Variants in OR14I1 observed in about 807,000 individuals in gnomAD.
OR14I1 encodes olfactory receptor family 14 subfamily I member 1.
For synonymous variants in OR14I1, 118 were observed against 71.1 expected (o/e 1.66, Z -3.32); for missense variants, 279 against 181.8 (o/e 1.53, Z -3.07).
chr1:248,695,909 C>G, the OR14I1 span, among the ~76,000 whole-genome samples: 1 of 152,236 alleles, frequency 6.6e-6, no homozygotes, highest in Non-Finnish European at 1.5e-5. Flanking sequence ...GCAAGAGTTT[C>G]ATGCCAGAGA....
downstream of OR14I1, among the ~76,000 whole-genome samples, chr1:248,679,358 T>A (rs60023377): frequency 0.15 from 22,062 of 151,684 alleles, 1,721 homozygotes; most frequent in African/African-American, 0.19. Context: ...GCTTCCGTGA[T>A]GGTGATGTTC....
chr1:248,695,049 G>T, the OR14I1 span, among the ~76,000 whole-genome samples: 1 of 152,108 alleles, frequency 6.6e-6, no homozygotes, highest in African/African-American at 2.4e-5. Context: ...CTTCAGAGCA[G>T]AGTAGGGTAT....
upstream of OR14I1, among the ~76,000 whole-genome samples, chr1:248,687,279 C>T (rs1036656552): frequency 6.6e-6 from 1 of 152,202 alleles, no homozygotes; most frequent in Non-Finnish European, 1.5e-5. Flanking sequence ...AATTGTTTTA[C>T]TTCATCACTA....
At chr1:248,682,123 A>G in exon 1 of OR14I1, 1 of 781,106 alleles carries the variant, frequency 1.3e-6, no homozygotes, top group Non-Finnish European at 2.4e-6. Context: ...GAGGTTCTTC[A>G]GGAAGAAGTA....
downstream of OR14I1, among the ~76,000 whole-genome samples, chr1:248,680,537 C>G (rs1184954236): frequency 6.6e-6 from 1 of 152,204 alleles, no homozygotes; most frequent in Non-Finnish European, 1.5e-5. Context: ...CTGAGAATGG[C>G]AGACAGCCCA....
the OR14I1 span, among the ~76,000 whole-genome samples, chr1:248,688,793 G>A: frequency 6.6e-6 from 1 of 152,348 alleles, no homozygotes; most frequent in African/African-American, 2.4e-5. Flanking sequence ...TCCCATGGGA[G>A]AAGCAGGATT....
the OR14I1 span, among the ~76,000 whole-genome samples, chr1:248,695,378 C>T: frequency 7.1e-4 from 108 of 151,762 alleles, 2 homozygotes; most frequent in South Asian, 0.02. Flanking sequence ...GGACTACAGG[C>T]GCCCGCCACC....
At chr1:248,681,775 C>T (rs750087696) in exon 1 of OR14I1, 13 of 780,912 alleles carry the variant, frequency 1.7e-5, no homozygotes, top group African/African-American at 5.1e-5. Flanking sequence ...AGGGATGTCA[C>T]GGAAGAACTG....
the OR14I1 span, among the ~76,000 whole-genome samples, chr1:248,695,121 G>A: frequency 6.6e-6 from 1 of 152,072 alleles, no homozygotes; most frequent in African/African-American, 2.4e-5. Context: ...TTATGAATTG[G>A]AAGGTCTCTC....
At chr1:248,688,259 G>T in the OR14I1 span, among the ~76,000 whole-genome samples, 1 of 152,194 alleles carries the variant, frequency 6.6e-6, no homozygotes, top group Admixed American at 6.5e-5. Context: ...AAGACAGCTA[G>T]GAAAAGCACT....
chr1:248,688,181 G>T, the OR14I1 span, among the ~76,000 whole-genome samples: 6 of 152,326 alleles, frequency 3.9e-5, no homozygotes, highest in Non-Finnish European at 7.3e-5. Flanking sequence ...CACAGAGCTT[G>T]GACTTCCAGC....
At chr1:248,694,309 A>G in the OR14I1 span, among the ~76,000 whole-genome samples, 1 of 152,154 alleles carries the variant, frequency 6.6e-6, no homozygotes, top group Non-Finnish European at 1.5e-5. Flanking sequence ...ATATTGTCCC[A>G]TTTTAAAAAT....
upstream of OR14I1, among the ~76,000 whole-genome samples, chr1:248,684,041 A>AGG (rs5782530): frequency 6.6e-6 from 1 of 151,602 alleles, no homozygotes; most frequent in African/African-American, 2.4e-5. Context: ...TCAAAAAGGA[A>AGG]AAACAAAAAG....
chr1:248,682,905 G>C (rs1323996899), upstream of OR14I1, among the ~76,000 whole-genome samples: 1 of 152,132 alleles, frequency 6.6e-6, no homozygotes, highest in African/African-American at 2.4e-5. Context: ...TTTGGAGAGA[G>C]GGAAATTTAT....
upstream of OR14I1, among the ~76,000 whole-genome samples, chr1:248,685,870 T>C (rs1369198029): frequency 6.6e-6 from 1 of 151,736 alleles, no homozygotes; most frequent in Non-Finnish European, 1.5e-5. Context: ...TCCTTGAAAA[T>C]TGTCTACAAT....
At chr1:248,697,806 C>T in the OR14I1 span, among the ~76,000 whole-genome samples, 4 of 151,938 alleles carry the variant, frequency 2.6e-5, no homozygotes, top group South Asian at 2.1e-4. Context: ...AACAAAAAAC[C>T]ACGGGGGCAA....
chr1:248,683,220 T>C (rs951428091), upstream of OR14I1, among the ~76,000 whole-genome samples: 5 of 152,222 alleles, frequency 3.3e-5, no homozygotes, highest in African/African-American at 7.2e-5. Context: ...GTTTTTTTCA[T>C]AGAAAATAAC....
At chr1:248,682,737 T>A (rs1000611870), upstream of OR14I1, among the ~76,000 whole-genome samples, 2 of 152,242 alleles carry the variant, frequency 1.3e-5, no homozygotes, top group African/African-American at 4.8e-5. Flanking sequence ...CAAAAGTTTG[T>A]AGTTTTAACT....
chr1:248,687,265 A>G (rs776936494), upstream of OR14I1, among the ~76,000 whole-genome samples: 21 of 152,244 alleles, frequency 1.4e-4, no homozygotes, highest in Non-Finnish European at 2.2e-4. Context: ...CTCAGAAAAT[A>G]ATAAATTGTT....
Sources: gnomAD v4.1 joint callset for allele counts (sites outside exome capture counted in the v4.1 genomes callset) on GRCh38, gnomAD v4.1.1 for gene constraint, MANE v1.5 for transcripts, NCBI Gene and HGNC (gene_info 2026-07-23, HGNC 2026-07-21) for gene names.